The following SOX4 variants were observed in gnomAD, a reference collection of about 807,000 sequenced individuals.
SOX4 encodes SRY-box transcription factor 4, also known as transcription factor SOX-4.
For synonymous variants in SOX4, 465 were observed against 348.4 expected (o/e 1.33, Z -3.73); for missense variants, 662 against 694.9 (o/e 0.95, Z 0.53).
Position 21,595,113 on chromosome 6 carries a change from G to A in SOX4, c.579G>A (p.Pro193=). Residue 193 remains proline, a synonymous_variant, in exon 1 of 1, where the codon CCG becomes CCA. Coordinates refer to ENST00000244745, the MANE Select transcript of SOX4 (RefSeq NM_003107.3). ...GASGGGANSK[P]AQKKSCGSKV... ...GTGGCGGCGGCGCCAACTCCAAACC[G>A]GCGCAGAAAAAGAGCTGCGGCTCCA... 2 of 1,378,260 alleles carry A rather than the reference G, an allele frequency of 1.5e-6. No individual in the cohort carries two copies. Among genetic ancestry groups the A allele is most frequent in the Non-Finnish European group, 1.9e-6 (2 of 1,074,102 alleles). 85.4% of individuals were successfully genotyped at this position (1,378,260 alleles called of 1,614,324 possible).
Position 21,595,896 on chromosome 6 carries a change from G to T in SOX4, c.1362G>T (p.Val454=), listed in dbSNP as rs767256701. 1.5e-5 allele frequency: 24 copies of T among 1,603,690 alleles called. No homozygotes were observed. The highest frequency in any genetic ancestry group is 2.0e-5 in the Non-Finnish European group (24 of 1,175,668). The change falls in exon 1 of 1, where the codon GTG becomes GTT. Residue 454 remains valine, a synonymous_variant. Transcript: ENST00000244745. The part of the protein sequence containing the change: ...FEFPDYCTPE[V]SEMISGDWLE... ...TCCCGGACTACTGCACGCCCGAGGT[G>T]AGCGAGATGATCTCGGGAGACTGGC...
At position 21,595,776 on chromosome 6, in the gene SOX4, T is replaced by A; in HGVS notation, c.1242T>A (p.Phe414Leu). ...TCGACCTGAACCCCAGCTCAAACTT[T>A]GAGAGCATGTCCCTGGGCAGCTTCA... ...DLLDLNPSSN[F>L]ESMSLGSFSS... The change falls in exon 1 of 1, where the codon TTT (phenylalanine) becomes TTA (leucine). Residue 414 changes from phenylalanine (F) to leucine (L), a missense_variant. Transcript: ENST00000244745. The A allele has an allele frequency of 6.2e-7, 1 of 1,613,434 alleles. No individual in the cohort carries two copies. Among genetic ancestry groups the A allele is most frequent in the Non-Finnish European group, 8.5e-7 (1 of 1,179,962 alleles).
In SOX4 at chr6:21,595,737, C is replaced by T. The variant is rs145209759; in HGVS notation, c.1203C>T (p.Phe401=). ...GCTCCTCGTCCTCCGACGACGAGTTCGAAGACGACCTGCTCGACCTGAACC... is the reference window on the plus strand; with the variant it reads ...GCTCCTCGTCCTCCGACGACGAGTTTGAAGACGACCTGCTCGACCTGAACC... ...SSGSSSSDDE[F]EDDLLDLNPS... Residue 401 remains phenylalanine (F), a synonymous_variant, in exon 1 of 1, where the codon TTC becomes TTT. Transcript: ENST00000244745. 2 of 1,612,616 alleles carry T rather than the reference C, an allele frequency of 1.2e-6. No homozygotes were observed. The highest frequency in any genetic ancestry group is 2.2e-5 in the South Asian group (2 of 90,746).
In SOX4 at chr6:21,597,334, T is replaced by G. The variant is rs1237459592; in HGVS notation, c.*1375T>G. On this transcript the variant is annotated 3_prime_UTR_variant, in exon 1 of 1. Transcript: ENST00000244745. The stretch of plus-strand genomic sequence containing the variant: ...TATAGGTGTAAATGAGAAGACGTGT[T>G]TTTTTCCTTCACCGATGCTCCATCC... 2 of 167,014 alleles carry G rather than the reference T, an allele frequency of 1.2e-5. No individual in the cohort carries two copies. Among genetic ancestry groups the G allele is most frequent in the Non-Finnish European group, 2.9e-5 (2 of 68,116 alleles). 10.3% of individuals were successfully genotyped at this position (167,014 alleles called of 1,614,324 possible). A position where few individuals can be genotyped will look rare whatever the true frequency, so the allele number is the denominator to read the frequency against.
Position 21,598,420 on chromosome 6 carries a change from C to G in SOX4, c.*2461C>G. 6.0e-6 allele frequency: 1 copy of G among 166,850 alleles called. No individual in the cohort carries two copies. 10.3% of individuals were successfully genotyped at this position (166,850 alleles called of 1,614,324 possible). ...GTTTTTGTTTTTAAACTTTTTTTTG[C>G]CATCCATCCTGTGCAATATGCCGTG... On this transcript the variant is annotated 3_prime_UTR_variant, in exon 1 of 1. Coordinates refer to ENST00000244745, the MANE Select transcript of SOX4 (RefSeq NM_003107.3).
rs368407644 is a variant in SOX4, at chr6:21,595,341, C to G, written c.807C>G (p.Ala269=). 9.9e-6 allele frequency: 15 copies of G among 1,508,344 alleles called. No individual in the cohort carries two copies. Among genetic ancestry groups the G allele is most frequent in the Non-Finnish European group, 1.3e-5 (15 of 1,136,696 alleles). The allele number at this position is 1,508,344 out of a possible 1,614,324, so 93.4% of individuals were successfully genotyped here. Reference sequence around the variant, plus strand: ...AGGCGCGGACTCCCAGCGCCTCGGCCTCCGCCTCCTCGGCAGCCTCGGCCT... The same window carrying G: ...AGGCGCGGACTCCCAGCGCCTCGGCGTCCGCCTCCTCGGCAGCCTCGGCCT... The part of the protein sequence containing the change: ...LYKARTPSAS[A]SASSAASASA... The change falls in exon 1 of 1, where the codon GCC becomes GCG. Residue 269 remains alanine (A), a synonymous_variant. Transcript: ENST00000244745.
rs1763184994 is a variant in SOX4, at chr6:21,597,128, A to G, written c.*1169A>G. On this transcript the variant is annotated 3_prime_UTR_variant, in exon 1 of 1. Transcript: ENST00000244745. ...ATAAGACTGTTGAGCAGTTTTTAAA[A>G]TAGTGTAGGATAATATAAAAAGCAG... The G allele has an allele frequency of 6.0e-6, 1 of 166,446 alleles. No homozygotes were observed. Among genetic ancestry groups the G allele is most frequent in the African/African-American group, 2.4e-5 (1 of 41,434 alleles). The allele number at this position is 166,446 out of a possible 1,614,324, so 10.3% of individuals were successfully genotyped here. A position where few individuals can be genotyped will look rare whatever the true frequency, so the allele number is the denominator to read the frequency against.
At position 21,595,362 on chromosome 6, in the gene SOX4, G is replaced by A; in HGVS notation, c.828G>A (p.Ser276=). The A allele has an allele frequency of 6.5e-7, 1 of 1,530,324 alleles. No individual in the cohort carries two copies. Among genetic ancestry groups the A allele is most frequent in the Non-Finnish European group, 8.7e-7 (1 of 1,148,138 alleles). 94.8% of individuals were successfully genotyped at this position (1,530,324 alleles called of 1,614,324 possible). ...CGGCCTCCGCCTCCTCGGCAGCCTC[G>A]GCCTCCGCAGCGCTCGCGGCCCCGG... is the stretch of plus-strand genomic sequence containing the variant. The part of the protein sequence containing the change: ...SASASASSAA[S]ASAALAAPGK... The change falls in exon 1 of 1, where the codon TCG becomes TCA. Residue 276 remains serine (S), a synonymous_variant. Transcript: ENST00000244745.
rs1763162754 is a variant in SOX4, at chr6:21,596,456, A to G, written c.*497A>G. On this transcript the variant is annotated 3_prime_UTR_variant, in exon 1 of 1. Transcript: ENST00000244745. ...TGTTTTATTTTGCTTCTTGGTCAAGAAAGGAGGGGAGAACCCAGCGCACCC... is the reference window on the plus strand; with the variant it reads ...TGTTTTATTTTGCTTCTTGGTCAAGGAAGGAGGGGAGAACCCAGCGCACCC... 6.0e-6 allele frequency: 1 copy of G among 167,038 alleles called. No individual in the cohort carries two copies. The highest frequency in any genetic ancestry group is 2.1e-4 in the South Asian group (1 of 4,832). The allele number at this position is 167,038 out of a possible 1,614,324, so 10.3% of individuals were successfully genotyped here. A position where few individuals can be genotyped will look rare whatever the true frequency, so the allele number is the denominator to read the frequency against.
In SOX4 at chr6:21,595,020, CGGGGGCGGCCAT is replaced by C. The variant is rs747523746; in HGVS notation, c.496_507del (p.His166_Gly169del). 5.6e-3 allele frequency: 8,281 copies of C among 1,490,462 alleles called. 35 individuals are homozygous for C. The highest frequency in any genetic ancestry group is 6.8e-3 in the Non-Finnish European group (7,677 of 1,121,674). 92.3% of individuals were successfully genotyped at this position (1,490,462 alleles called of 1,614,324 possible). ...AGGGAGACAAGGTCGGTGGCAGTGG[CGGGGGCGGCCAT>C]GGGGGCGGCGGCGGCGGCGGGAGCA... On this transcript the variant is annotated inframe_deletion, in exon 1 of 1. Coordinates refer to ENST00000244745, the MANE Select transcript of SOX4 (RefSeq NM_003107.3).
rs888100184 is a variant in SOX4, at chr6:21,596,043, A to G, written c.*84A>G. ...AAAAAAGAAACGAAAAGGACAGACG[A>G]AGAGTTTAAAGAGAAAAGGGAAAAA... On this transcript the variant is annotated 3_prime_UTR_variant, in exon 1 of 1. Transcript: ENST00000244745. 94 of 1,397,234 alleles carry G rather than the reference A, an allele frequency of 6.7e-5. No homozygotes were observed. In the Admixed American group the frequency reaches 2.4e-3, roughly 36 times the overall value. 86.6% of individuals were successfully genotyped at this position (1,397,234 alleles called of 1,614,324 possible).
Position 21,595,410 on chromosome 6 carries a change from G to A in SOX4, c.876G>A (p.Lys292=), listed in dbSNP as rs745571892. 10 of 1,535,402 alleles carry A rather than the reference G, an allele frequency of 6.5e-6. No individual in the cohort carries two copies. Among genetic ancestry groups the A allele is most frequent in the South Asian group, 4.7e-5 (4 of 85,530 alleles). The change falls in exon 1 of 1, where the codon AAG becomes AAA. Residue 292 remains lysine (K), a synonymous_variant. Transcript: ENST00000244745. The stretch of plus-strand genomic sequence containing the variant: ...CGGGCAAGCACCTGGCGGAGAAGAA[G>A]GTGAAGCGCGTCTACCTGTTCGGCG... ...AAPGKHLAEK[K]VKRVYLFGGL...
rs2113557286 is a variant in SOX4 at position 21,594,929 on chromosome 6, A to G, written c.395A>G (p.Lys132Arg). ...DYPDYKYRPRKKVKSGNANSS... is the reference protein window; with the variant it reads ...DYPDYKYRPRRKVKSGNANSS... ...CCCGACTACAAGTACCGGCCCAGGAAGAAGGTGAAGTCCGGCAACGCCAAC... is the reference window on the plus strand; with the variant it reads ...CCCGACTACAAGTACCGGCCCAGGAGGAAGGTGAAGTCCGGCAACGCCAAC... The change falls in exon 1 of 1, where the codon AAG becomes AGG. Residue 132 changes from lysine to arginine, a missense_variant. By Grantham distance (26) the Lys-to-Arg change is conservative. Coordinates refer to ENST00000244745, the MANE Select transcript of SOX4 (RefSeq NM_003107.3). 6.2e-7 allele frequency: 1 copy of G among 1,612,418 alleles called. No homozygotes were observed. Among genetic ancestry groups the G allele is most frequent in the Non-Finnish European group, 8.5e-7 (1 of 1,179,404 alleles).
chr6:21,595,260 G>A lies in SOX4; in HGVS notation c.726G>A (p.Ala242=). The A allele has an allele frequency of 2.3e-6, 3 of 1,315,738 alleles. No homozygotes were observed. Among genetic ancestry groups the A allele is most frequent in the Non-Finnish European group, 2.9e-6 (3 of 1,036,762 alleles). The allele number at this position is 1,315,738 out of a possible 1,614,324, so 81.5% of individuals were successfully genotyped here. ...AAAASFAAEQ[A]GAAALLPLGA... ...CCGCCTCCTTCGCCGCCGAACAGGC[G>A]GGGGCCGCCGCCCTGCTGCCCCTGG... The change falls in exon 1 of 1, where the codon GCG becomes GCA. Residue 242 remains alanine (A), a synonymous_variant. Coordinates refer to ENST00000244745, the MANE Select transcript of SOX4 (RefSeq NM_003107.3).
In SOX4 at chr6:21,597,511, C is replaced by CTTTTTTTTTCTTTTTTTTTTTTTTTTTT. The variant is rs1763194447; in HGVS notation, c.*1561_*1562insCTTTTTTTTTTTTTTTTTTTTTTTTTTT. The CTTTTTTTTTCTTTTTTTTTTTTTTTTTT allele has an allele frequency of 9.8e-6, 1 of 101,944 alleles. No individual in the cohort carries two copies. Among genetic ancestry groups the CTTTTTTTTTCTTTTTTTTTTTTTTTTTT allele is most frequent in the African/African-American group, 3.9e-5 (1 of 25,878 alleles). The allele number at this position is 101,944 out of a possible 1,614,324, so 6.3% of individuals were successfully genotyped here. A position where few individuals can be genotyped will look rare whatever the true frequency, so the allele number is the denominator to read the frequency against. Reference sequence around the variant, plus strand: ...TTTATTCCTTCCTTTTCCTTTTTTTCTTTTTTTTTTCTTTTTTTTTTTTTT... The same window carrying CTTTTTTTTTCTTTTTTTTTTTTTTTTTT: ...TTTATTCCTTCCTTTTCCTTTTTTTCTTTTTTTTTCTTTTTTTTTTTTTTTTTTTTTTTTTTTTCTTTTTTTTTTTTTT... On this transcript the variant is annotated 3_prime_UTR_variant, in exon 1 of 1. Coordinates refer to ENST00000244745, the MANE Select transcript of SOX4 (RefSeq NM_003107.3).
Position 21,594,785 on chromosome 6 carries a change from T to C in SOX4, c.251T>C (p.Met84Thr). The C allele has an allele frequency of 6.2e-7, 1 of 1,605,166 alleles. No individual in the cohort carries two copies. Among genetic ancestry groups the C allele is most frequent in the South Asian group, 1.1e-5 (1 of 89,702 alleles). The stretch of plus-strand genomic sequence containing the variant: ...AAGATCATGGAGCAGTCGCCCGACA[T>C]GCACAACGCCGAGATCTCCAAGCGG... ...RRKIMEQSPDMHNAEISKRLG... is the reference protein window; with the variant it reads ...RRKIMEQSPDTHNAEISKRLG... Residue 84 changes from methionine (M) to threonine (T), a missense_variant, in exon 1 of 1, where the codon ATG (methionine) becomes ACG (threonine). Coordinates refer to ENST00000244745, the MANE Select transcript of SOX4 (RefSeq NM_003107.3).
rs576492044 is a variant in SOX4, at chr6:21,595,691, C to T, written c.1157C>T (p.Ser386Phe). 2.5e-5 allele frequency: 39 copies of T among 1,575,070 alleles called. No individual in the cohort carries two copies. The highest frequency in any genetic ancestry group is 2.2e-4 in the South Asian group (19 of 87,342). ...GCGTCCTCCTCGGCCTCGTCCCACT[C>T]CTCCTCTTCCTCCTCCTCGGGCTCC... The part of the protein sequence containing the change: ...SHASSSASSH[S>F]SSSSSSGSSS... The change falls in exon 1 of 1, where the codon TCC (serine) becomes TTC (phenylalanine). Residue 386 changes from serine (S) to phenylalanine (F), a missense_variant. Physicochemically the swap from Ser to Phe is radical, Grantham distance 155. Transcript: ENST00000244745.
chr6:21,595,496 C>T lies in SOX4; in HGVS notation c.962C>T (p.Pro321Leu). The T allele has an allele frequency of 1.5e-6, 2 of 1,363,364 alleles. No individual in the cohort carries two copies. The highest frequency in any genetic ancestry group is 1.9e-6 in the Non-Finnish European group (2 of 1,058,450). 84.5% of individuals were successfully genotyped at this position (1,363,364 alleles called of 1,614,324 possible). A position where few individuals can be genotyped will look rare whatever the true frequency, so the allele number is the denominator to read the frequency against. Residue 321 changes from proline to leucine, a missense_variant, in exon 1 of 1, where the codon CCC becomes CTC. By Grantham distance (98) the Pro-to-Leu change is moderately conservative. Transcript: ENST00000244745. ...GGCGCGGGAGCCGACCCCAGCGACC[C>T]CCTGGGCCTGTACGAGGAGGAGGGC... ...GVGAGADPSD[P>L]LGLYEEEGAG...
rs796750510 is a variant in SOX4 at position 21,596,991 on chromosome 6, G to GA, written c.*1042dup. The GA allele has an allele frequency of 3.4e-4, 54 of 158,028 alleles. No homozygotes were observed. The highest frequency in any genetic ancestry group is 6.0e-4 in the East Asian group (3 of 5,038). The allele number at this position is 158,028 out of a possible 1,614,324, so 9.8% of individuals were successfully genotyped here. A position where few individuals can be genotyped will look rare whatever the true frequency, so the allele number is the denominator to read the frequency against. The stretch of plus-strand genomic sequence containing the variant: ...AAAAAAAGAAAAAAAGAAAAAAAAA[G>GA]AAAAAAAAAAGATTTTTTTCTTCTC... On this transcript the variant is annotated 3_prime_UTR_variant, in exon 1 of 1. Coordinates refer to ENST00000244745, the MANE Select transcript of SOX4 (RefSeq NM_003107.3).
Sources: gnomAD v4.1 joint callset for allele counts on GRCh38, gnomAD v4.1.1 for gene constraint, MANE v1.5 for transcripts, NCBI Gene and HGNC (gene_info 2026-07-23, HGNC 2026-07-21) for gene names.